The following VPS35L variants were observed in gnomAD, a reference collection of about 807,000 sequenced individuals.
The protein encoded by VPS35L is VPS35 endosomal protein sorting factor like, also known as VPS35 endosomal protein-sorting factor-like.
In VPS35L, 83 loss-of-function variants were observed where a neutral mutation model predicts 133.0. That is an observed-to-expected ratio of 0.62 (90% confidence interval 0.52 to 0.75). VPS35L has a LOEUF of 0.75. Among genes scored for constraint, VPS35L ranks in the 30% least tolerant of loss-of-function variants. The probability of loss-of-function intolerance (pLI) is 0.00; values close to 1 mark genes in which losing one functional copy is unlikely to be tolerated. For missense variants in VPS35L, 1,083 were observed against 1,206.8 expected, an observed-to-expected ratio of 0.90 and a Z score of 1.52; for synonymous variants, 423 against 449.9, an observed-to-expected ratio of 0.94 and a Z score of 0.76.
chr16:19,603,279 G>A (rs1462821652), intron 9 of VPS35L, among the ~76,000 whole-genome samples: 1 of 152,022 alleles, frequency 6.6e-6, no homozygotes, highest in Non-Finnish European at 1.5e-5. Context: ...TCTTAGTGCT[G>A]CATCTACATT....
At chr16:19,669,983 T>G (rs1484665988) in intron 27 of VPS35L, among the ~76,000 whole-genome samples, 1 of 151,948 alleles carries the variant, frequency 6.6e-6, no homozygotes, top group Admixed American at 6.6e-5. Flanking sequence ...TTTGTGTGTT[T>G]GTTTAGGAGT....
chr16:19,698,071 T>C (rs1238116425), intron 29 of VPS35L, among the ~76,000 whole-genome samples: 2 of 152,244 alleles, frequency 1.3e-5, no homozygotes, highest in African/African-American at 4.8e-5. Context: ...AAGTCAGTGC[T>C]AGCTGGGGCC....
At position 19,642,402 on chromosome 16, in the gene VPS35L, A is replaced by G; in HGVS notation, c.1791A>G (p.Gln597=). 1.2e-6 allele frequency: 2 copies of G among 1,613,798 alleles called. No individual in the cohort carries two copies. Among genetic ancestry groups the G allele is most frequent in the Non-Finnish European group, 1.7e-6 (2 of 1,179,750 alleles). Residue 597 remains glutamine (Q), a synonymous_variant, in exon 22 of 31, where the codon CAA becomes CAG. Coordinates refer to ENST00000417362, the MANE Select transcript of VPS35L (RefSeq NM_020314.7). Reference sequence around the variant, plus strand: ...ATCTTTAAATGTCTCCTAGGCATCAACAAGAGCCCACCAAGGACCCGGTCA... The same window carrying G: ...ATCTTTAAATGTCTCCTAGGCATCAGCAAGAGCCCACCAAGGACCCGGTCA... The part of the protein sequence containing the change: ...KCIMDAFIKH[Q]QEPTKDPVIL...
chr16:19,695,159 A>T (rs948254058), intron 29 of VPS35L, among the ~76,000 whole-genome samples: 2 of 152,170 alleles, frequency 1.3e-5, no homozygotes, highest in Non-Finnish European at 2.9e-5. Context: ...TAGTCCAGGG[A>T]CCTCTTAGAA....
intron 1 of VPS35L, among the ~76,000 whole-genome samples, chr16:19,562,035 G>A (rs1276421804): frequency 1.3e-5 from 2 of 152,152 alleles, no homozygotes; most frequent in Non-Finnish European, 2.9e-5. Context: ...AACCTGAGAT[G>A]CAGAGGTTGC....
intron 3 of VPS35L, among the ~76,000 whole-genome samples, chr16:19,571,061 C>T (rs973613168): frequency 8.0e-5 from 12 of 150,736 alleles, no homozygotes; most frequent in African/African-American, 2.2e-4. Flanking sequence ...TTAGTAGAGA[C>T]GGGGTTTCAC....
At chr16:19,605,266 T>C (rs1284254533) in intron 9 of VPS35L, among the ~76,000 whole-genome samples, 6 of 152,112 alleles carry the variant, frequency 3.9e-5, no homozygotes, top group African/African-American at 1.4e-4. Flanking sequence ...AGCAGCACCA[T>C]AAAAGAAAAA....
At chr16:19,676,103 T>C (rs892986968) in intron 27 of VPS35L, among the ~76,000 whole-genome samples, 2 of 152,024 alleles carry the variant, frequency 1.3e-5, no homozygotes, top group African/African-American at 4.8e-5. Flanking sequence ...AATACAAAAG[T>C]CAGCTGTGCA....
At chr16:19,632,651 A>G (rs1275084679) in intron 18 of VPS35L, among the ~76,000 whole-genome samples, 1 of 152,182 alleles carries the variant, frequency 6.6e-6, no homozygotes, top group Non-Finnish European at 1.5e-5. Context: ...CCTGGGCTGG[A>G]TTGGGCTGCA....
intron 27 of VPS35L, among the ~76,000 whole-genome samples, chr16:19,681,842 T>A (rs1188742006): frequency 6.6e-6 from 1 of 151,674 alleles, no homozygotes; most frequent in African/African-American, 2.4e-5. Context: ...TCTGCTACGA[T>A]ACCCGCGATC....
intron 2 of VPS35L, among the ~76,000 whole-genome samples, chr16:19,565,339 G>A (rs575986710): frequency 2.0e-5 from 3 of 150,370 alleles, no homozygotes; most frequent in South Asian, 2.1e-4. Context: ...GTGGGCCACC[G>A]TGCCCAGCCT....
chr16:19,679,239 T>A (rs1975173941), intron 27 of VPS35L, among the ~76,000 whole-genome samples: 1 of 151,910 alleles, frequency 6.6e-6, no homozygotes, highest in African/African-American at 2.4e-5. Flanking sequence ...GTGTGTAGTT[T>A]GTGGATGTCA....
intron 12 of VPS35L, among the ~76,000 whole-genome samples, chr16:19,614,556 G>A (rs572443450): frequency 2.0e-5 from 3 of 152,272 alleles, no homozygotes; most frequent in South Asian, 4.1e-4. Context: ...GTCTACAGGC[G>A]TGCGCCACCA....
chr16:19,676,050 G>A (rs376832551), intron 27 of VPS35L, among the ~76,000 whole-genome samples: 3 of 152,058 alleles, frequency 2.0e-5, no homozygotes, highest in South Asian at 2.1e-4. Flanking sequence ...TCAGGAGTTC[G>A]AGACCAGCCT....
intron 26 of VPS35L, chr16:19,652,428 C>T: frequency 4.9e-6 from 1 of 205,792 alleles, no homozygotes; most frequent in Non-Finnish European, 9.9e-6. Context: ...CCCACCTGGG[C>T]TCAAATGATC....
In VPS35L at chr16:19,700,770, C is replaced by T; in HGVS notation, c.*294C>T. The T allele has an allele frequency of 3.0e-6, 1 of 330,730 alleles. No homozygotes were observed. The highest frequency in any genetic ancestry group is 5.5e-6 in the Non-Finnish European group (1 of 181,254). The allele number at this position is 330,730 out of a possible 1,614,324, so 20.5% of individuals were successfully genotyped here. On this transcript the variant is annotated 3_prime_UTR_variant, in exon 31 of 31. Coordinates refer to ENST00000417362, the MANE Select transcript of VPS35L (RefSeq NM_020314.7). ...ATGGGCCTTTTTAGCAAGAGAGAAA[C>T]AAGAATGCAAGTAACATCTTTCTTC...
intron 7 of VPS35L, among the ~76,000 whole-genome samples, chr16:19,582,495 C>T (rs6497384): frequency 6.6e-6 from 1 of 151,954 alleles, no homozygotes; most frequent in East Asian, 1.9e-4. Context: ...TTGTATAGTA[C>T]GGGTGATTTC....
chr16:19,693,978 A>T (rs1223050689), intron 29 of VPS35L: 3 of 150,670 alleles, frequency 2.0e-5, no homozygotes, highest in Non-Finnish European at 4.4e-5. Flanking sequence ...AAAAAAAAAG[A>T]AAAAAGGGGG....
At chr16:19,572,110 A>T (rs566091734) in intron 3 of VPS35L, among the ~76,000 whole-genome samples, 4 of 152,096 alleles carry the variant, frequency 2.6e-5, no homozygotes, top group Non-Finnish European at 4.4e-5. Flanking sequence ...TTTCTGCAGG[A>T]TAGCTTCCTA....
Sources: gnomAD v4.1 joint callset for allele counts (sites outside exome capture counted in the v4.1 genomes callset) on GRCh38, gnomAD v4.1.1 for gene constraint, MANE v1.5 for transcripts, NCBI Gene and HGNC (gene_info 2026-07-23, HGNC 2026-07-21) for gene names.